WWOX: variants seen among roughly 807,000 people sequenced by gnomAD.
WWOX encodes WW domain-containing oxidoreductase.
In WWOX, 69 loss-of-function variants were observed where a neutral mutation model predicts 46.2. The ratio of observed to expected loss-of-function variants is 1.49; its 90% CI spans 1.23 to 1.82. The LOEUF (loss-of-function observed/expected upper bound fraction) is 1.82, where lower values mean the gene tolerates loss of function less well. Among genes scored for constraint, WWOX ranks in the 40% most tolerant of loss-of-function variants. WWOX has a pLI of 0.00. For synonymous variants in WWOX, 359 were observed against 202.6 expected (o/e 1.77, Z -6.56); for missense variants, 919 against 542.6 (o/e 1.69, Z -6.89).
chr16:78,478,374 C>G (rs1597141344), intron 8 of WWOX, among the ~76,000 whole-genome samples: 1 of 152,272 alleles, frequency 6.6e-6, no homozygotes, highest in East Asian at 1.9e-4. Context: ...CTCATTTGAT[C>G]TGGTTCTTCC....
intron 8 of WWOX, among the ~76,000 whole-genome samples, chr16:78,662,615 C>G (rs557719809): frequency 3.9e-5 from 6 of 152,156 alleles, no homozygotes; most frequent in Non-Finnish European, 8.8e-5. Flanking sequence ...TTTTATTTTA[C>G]TATTTTTTAA....
chr16:79,155,851 A>AT (rs2050371256), intron 8 of WWOX, among the ~76,000 whole-genome samples: 1 of 151,940 alleles, frequency 6.6e-6, no homozygotes, highest in East Asian at 1.9e-4. Context: ...ATAGAGGACT[A>AT]ATACATATAA....
intron 5 of WWOX, among the ~76,000 whole-genome samples, chr16:78,382,948 T>C (rs72796076): frequency 3.2e-4 from 49 of 151,770 alleles, no homozygotes; most frequent in African/African-American, 1.1e-3. Flanking sequence ...TGCTTCTGGA[T>C]AGGCCTTAGG....
intron 8 of WWOX, among the ~76,000 whole-genome samples, chr16:78,773,764 G>C (rs1567550367): frequency 6.6e-6 from 1 of 152,318 alleles, no homozygotes; most frequent in Admixed American, 6.5e-5. Flanking sequence ...GACAAACAAA[G>C]AGAAGCAAAA....
intron 5 of WWOX, among the ~76,000 whole-genome samples, chr16:78,379,927 G>T (rs2081918623): frequency 6.6e-6 from 1 of 152,208 alleles, no homozygotes; most frequent in Non-Finnish European, 1.5e-5. Context: ...AGTGTCGGAA[G>T]GATGGAGAGG....
At chr16:78,711,867 C>A (rs1336595979) in intron 8 of WWOX, among the ~76,000 whole-genome samples, 1 of 152,170 alleles carries the variant, frequency 6.6e-6, no homozygotes, top group African/African-American at 2.4e-5. Flanking sequence ...ACACATCTTA[C>A]AAATTCCCTC....
At chr16:78,673,407 A>C (rs997878638) in intron 8 of WWOX, among the ~76,000 whole-genome samples, 2 of 152,142 alleles carry the variant, frequency 1.3e-5, no homozygotes, top group East Asian at 1.9e-4. Flanking sequence ...ATCTTAGCCA[A>C]CTGTGAACAT....
At chr16:78,193,636 G>T (rs914877927) in intron 5 of WWOX, among the ~76,000 whole-genome samples, 1 of 41,004 alleles carries the variant, frequency 2.4e-5, no homozygotes, top group African/African-American at 1.4e-4. Context: ...TGTTTTGGCT[G>T]TTTAGGGGAT....
At chr16:78,233,769 C>T (rs1028517295) in intron 5 of WWOX, among the ~76,000 whole-genome samples, 24 of 152,164 alleles carry the variant, frequency 1.6e-4, no homozygotes, top group African/African-American at 3.9e-4. Context: ...CCTGGTGATC[C>T]GCCTGTCTTG....
chr16:78,650,262 T>A (rs1559432), intron 8 of WWOX, among the ~76,000 whole-genome samples: 1 of 152,244 alleles, frequency 6.6e-6, no homozygotes, highest in Admixed American at 6.5e-5. Context: ...TCTTCAGGAC[T>A]TACTTTGAAG....
At chr16:78,775,979 T>C (rs1198621171) in intron 8 of WWOX, among the ~76,000 whole-genome samples, 1 of 152,220 alleles carries the variant, frequency 6.6e-6, no homozygotes, top group Non-Finnish European at 1.5e-5. Context: ...TGACACTTAC[T>C]AGGTTTCTCA....
intron 4 of WWOX, among the ~76,000 whole-genome samples, chr16:78,159,315 T>C (rs2034707167): frequency 6.6e-6 from 1 of 152,216 alleles, no homozygotes; most frequent in Admixed American, 6.5e-5. Context: ...CCTTTGGATA[T>C]GTATCCAGAA....
At chr16:79,210,920 C>T (rs969014665) in intron 8 of WWOX, among the ~76,000 whole-genome samples, 1 of 152,124 alleles carries the variant, frequency 6.6e-6, no homozygotes, top group African/African-American at 2.4e-5. Flanking sequence ...TACCCCCTTA[C>T]CTGTGGTCCC....
chr16:78,592,132 A>G (rs2941930), intron 8 of WWOX, among the ~76,000 whole-genome samples: 8,930 of 152,328 alleles, frequency 0.059, 444 homozygotes, highest in East Asian at 0.22. Context: ...TATGATGTGC[A>G]TATGTGAAAA....
At chr16:78,895,146 T>A (rs1597118227) in intron 8 of WWOX, among the ~76,000 whole-genome samples, 1 of 152,324 alleles carries the variant, frequency 6.6e-6, no homozygotes, top group Non-Finnish European at 1.5e-5. Flanking sequence ...ATATCCGCTT[T>A]TTCAAACCAC....
chr16:78,665,215 C>T (rs1182485044), intron 8 of WWOX, among the ~76,000 whole-genome samples: 2 of 152,078 alleles, frequency 1.3e-5, no homozygotes, highest in Non-Finnish European at 2.9e-5. Flanking sequence ...GGCACGCGGG[C>T]TTCTGGAGTC....
At chr16:78,460,572 T>A (rs1412571548) in intron 8 of WWOX, among the ~76,000 whole-genome samples, 1 of 152,208 alleles carries the variant, frequency 6.6e-6, no homozygotes. Context: ...AGATGCCTGT[T>A]TGTTTTGCAG....
intron 4 of WWOX, among the ~76,000 whole-genome samples, chr16:78,156,161 C>T (rs930965010): frequency 1.3e-5 from 2 of 152,162 alleles, no homozygotes; most frequent in Non-Finnish European, 2.9e-5. Flanking sequence ...TAACTACAGT[C>T]AGGAATTCTC....
intron 8 of WWOX, among the ~76,000 whole-genome samples, chr16:78,808,071 C>G (rs893397880): frequency 1.3e-5 from 2 of 152,196 alleles, no homozygotes. Flanking sequence ...AAAGGCATCC[C>G]CTTCCCCATT....
Sources: allele counts gnomAD v4.1 joint callset (sites outside exome capture counted in the v4.1 genomes callset), GRCh38; gene constraint gnomAD v4.1.1; transcripts MANE v1.5; gene names NCBI Gene and HGNC (gene_info 2026-07-23, HGNC 2026-07-21).